LRBA: variants seen among roughly 807,000 people sequenced by gnomAD.
LRBA encodes LPS responsive beige-like anchor protein, also known as lipopolysaccharide-responsive and beige-like anchor protein.
A neutral mutation model predicts 330.0 loss-of-function variants in LRBA; 176 were observed. The observed-to-expected ratio is 0.53, with a 90% CI of 0.47 to 0.60. LRBA has a LOEUF of 0.60. LRBA is among the 20% of genes least tolerant of loss of function. The probability of loss-of-function intolerance (pLI) is 0.00; values close to 1 mark genes in which losing one functional copy is unlikely to be tolerated. For missense variants in LRBA, 3,259 were observed against 3,444.8 expected (o/e 0.95, Z 1.35); for synonymous variants, 1,230 against 1,193.0 (o/e 1.03, Z -0.64).
intron 17 of LRBA, among the ~76,000 whole-genome samples, chr4:150,890,676 A>G (rs1729365447): frequency 6.6e-6 from 1 of 152,228 alleles, no homozygotes. Flanking sequence ...AAAGAATGGC[A>G]GTAAGGGTAG....
At chr4:150,913,236 G>A (rs559555826) in intron 9 of LRBA, among the ~76,000 whole-genome samples, 3 of 152,316 alleles carry the variant, frequency 2.0e-5, no homozygotes, top group African/African-American at 7.2e-5. Flanking sequence ...GGGAAGCCGA[G>A]GCGGGCGGAT....
At position 150,430,029 on chromosome 4, in the gene LRBA, T is replaced by C. The variant is rs187605782; in HGVS notation, c.7041+5560A>G. Among the ~76,000 whole-genome samples, 7 of 152,306 alleles carry C rather than the reference T, an allele frequency of 4.6e-5. No homozygotes were observed. In the East Asian group the frequency reaches 1.2e-3, roughly 25 times the overall value. On this transcript the variant is annotated intron_variant, in intron 46 of 56. Transcript: ENST00000651943. ...TTAAAGGCAGGGAGCTAAATATCTATGACCTAACAAAACTTGTTCTTTCTT... is the reference window on the plus strand; with the variant it reads ...TTAAAGGCAGGGAGCTAAATATCTACGACCTAACAAAACTTGTTCTTTCTT...
chr4:150,570,246 T>C (rs971068556), intron 40 of LRBA, among the ~76,000 whole-genome samples: 2 of 152,116 alleles, frequency 1.3e-5, no homozygotes, highest in South Asian at 4.1e-4. Context: ...CCAAGTTCTT[T>C]TGGAGAACAA....
At chr4:150,836,758 T>C (rs552664129) in intron 28 of LRBA, among the ~76,000 whole-genome samples, 31 of 152,186 alleles carry the variant, frequency 2.0e-4, no homozygotes, top group Non-Finnish European at 4.4e-4. Context: ...CCTGGATTCA[T>C]TGATTTTTTG....
intron 40 of LRBA, among the ~76,000 whole-genome samples, chr4:150,497,327 G>C (rs943190665): frequency 6.6e-6 from 1 of 152,084 alleles, no homozygotes; most frequent in Admixed American, 6.5e-5. Flanking sequence ...TATTCTTTAA[G>C]TAAAATTTAG....
chr4:150,574,739 T>C (rs1407560768), intron 40 of LRBA, among the ~76,000 whole-genome samples: 1 of 152,058 alleles, frequency 6.6e-6, no homozygotes, highest in East Asian at 1.9e-4. Flanking sequence ...AGATTATTCG[T>C]AGAGCATTTA....
At chr4:150,273,638 G>GAA (rs889876803) in intron 56 of LRBA, among the ~76,000 whole-genome samples, 1 of 136,726 alleles carries the variant, frequency 7.3e-6, no homozygotes. Flanking sequence ...CAAATGGAAA[G>GAA]AAAAAAAAAA....
chr4:150,916,872 G>C (rs970801780), intron 5 of LRBA, 134 bp from the exon 6 acceptor site: 3 of 682,472 alleles, frequency 4.4e-6, no homozygotes, highest in Non-Finnish European at 6.6e-6. Flanking sequence ...AAATATCTGA[G>C]GCCGGGCGCG....
intron 37 of LRBA, among the ~76,000 whole-genome samples, chr4:150,633,708 GC>G (rs1561449016): frequency 6.6e-6 from 1 of 152,152 alleles, no homozygotes; most frequent in African/African-American, 2.4e-5. Context: ...TGGCCATAAG[GC>G]CTCGTGTAAT....
intron 36 of LRBA, among the ~76,000 whole-genome samples, chr4:150,728,118 G>C (rs1729947276): frequency 2.6e-5 from 4 of 152,098 alleles, no homozygotes. Flanking sequence ...AGAAGAAATG[G>C]ATCAATTCCT....
intron 40 of LRBA, among the ~76,000 whole-genome samples, chr4:150,492,970 CTGAAA>C (rs1186187503): frequency 1.3e-5 from 2 of 152,104 alleles, no homozygotes; most frequent in African/African-American, 4.8e-5. Flanking sequence ...TTATCACTAC[CTGAAA>C]TTTTAAATAT....
intron 48 of LRBA, among the ~76,000 whole-genome samples, chr4:150,336,990 C>T (rs1734837242): frequency 6.6e-6 from 1 of 152,156 alleles, no homozygotes; most frequent in African/African-American, 2.4e-5. Context: ...GTAGATAAAG[C>T]AGCCTGCCTA....
intron 13 of LRBA, among the ~76,000 whole-genome samples, chr4:150,904,739 A>G (rs1237921070): frequency 3.3e-5 from 5 of 152,170 alleles, no homozygotes; most frequent in Admixed American, 2.0e-4. Flanking sequence ...GGAGATAAAA[A>G]GCTACAACCT....
chr4:150,555,575 G>A (rs892654036), intron 40 of LRBA, among the ~76,000 whole-genome samples: 11 of 151,884 alleles, frequency 7.2e-5, no homozygotes, highest in African/African-American at 2.4e-4. Context: ...ATGGTGAAAC[G>A]CCATCTCTAC....
chr4:150,450,280 A>G (rs1190927201), intron 44 of LRBA, among the ~76,000 whole-genome samples: 1 of 152,242 alleles, frequency 6.6e-6, no homozygotes, highest in East Asian at 1.9e-4. Context: ...TAGGGCTCCT[A>G]TAACTAAATA....
intron 40 of LRBA, among the ~76,000 whole-genome samples, chr4:150,571,961 C>T (rs1012479948): frequency 2.0e-5 from 3 of 151,332 alleles, no homozygotes; most frequent in Admixed American, 6.6e-5. Context: ...ATCATCTCTT[C>T]GTATTACTTA....
chr4:150,415,195 A>T (rs1747557689), intron 47 of LRBA, among the ~76,000 whole-genome samples: 1 of 152,096 alleles, frequency 6.6e-6, no homozygotes, highest in Admixed American at 6.6e-5. Flanking sequence ...TAAAATTTTG[A>T]ATCATCATGT....
intron 50 of LRBA, among the ~76,000 whole-genome samples, chr4:150,316,448 C>T (rs894406379): frequency 1.3e-5 from 2 of 152,148 alleles, no homozygotes; most frequent in African/African-American, 4.8e-5. Flanking sequence ...GAATCAGGAA[C>T]TACCTGATGC....
chr4:150,423,387 G>A, intron 46 of LRBA: 1 of 647,542 alleles, frequency 1.5e-6, no homozygotes, highest in East Asian at 2.6e-5. Flanking sequence ...GGCCTGCTTT[G>A]AGTCCACAGT....
Sources: gnomAD v4.1 joint callset for allele counts (sites outside exome capture counted in the v4.1 genomes callset) on GRCh38, gnomAD v4.1.1 for gene constraint, MANE v1.5 for transcripts, NCBI Gene and HGNC (gene_info 2026-07-23, HGNC 2026-07-21) for gene names.